PRMT7: variants seen among roughly 807,000 people sequenced by gnomAD.
PRMT7 encodes protein arginine methyltransferase 7.
PRMT7 carries 75 observed loss-of-function variants against 85.4 expected under a neutral mutation model. The observed-to-expected ratio is 0.88, with a 90% CI of 0.73 to 1.06. The LOEUF (loss-of-function observed/expected upper bound fraction) is 1.06, where lower values mean the gene tolerates loss of function less well. Among genes scored for constraint, PRMT7 ranks in the 50% least tolerant of loss-of-function variants. PRMT7 has a pLI of 0.00. For synonymous variants in PRMT7, 397 were observed against 359.5 expected (o/e 1.10, Z -1.18); for missense variants, 868 against 915.2 (o/e 0.95, Z 0.67).
intron 7 of PRMT7, among the ~76,000 whole-genome samples, chr16:68,339,016 T>C (rs1253809046): frequency 6.6e-6 from 1 of 152,142 alleles, no homozygotes; most frequent in Non-Finnish European, 1.5e-5. Context: ...GAAGGGACAC[T>C]GAGCCCAGAG....
intron 6 of PRMT7, among the ~76,000 whole-genome samples, chr16:68,331,469 CTTT>C (rs57038859): frequency 1.1e-4 from 13 of 114,486 alleles, no homozygotes; most frequent in Non-Finnish European, 9.2e-5. Context: ...CTTTGTTGTT[CTTT>C]TTTTTTTTTT....
At chr16:68,344,408 C>G (rs560352247) in intron 9 of PRMT7, among the ~76,000 whole-genome samples, 163 of 152,358 alleles carry the variant, frequency 1.1e-3, no homozygotes, top group African/African-American at 3.9e-3. Flanking sequence ...TGTTTGGTCT[C>G]TCTCCAAACG....
chr16:68,319,772 T>C (rs2082285667), intron 3 of PRMT7, among the ~76,000 whole-genome samples: 1 of 145,034 alleles, frequency 6.9e-6, no homozygotes, highest in East Asian at 2.2e-4. Flanking sequence ...GTAAGCTTTC[T>C]AGTGATTCTA....
chr16:68,348,274 G>A, intron 13 of PRMT7, 68 bp from the exon 14 acceptor site: 1 of 1,289,956 alleles, frequency 7.8e-7, no homozygotes, highest in Non-Finnish European at 1.1e-6. Context: ...AACTTTGAGA[G>A]ATTTTTTTTT....
intron 3 of PRMT7, chr16:68,319,012 G>A (rs971980734): frequency 3.3e-5 from 5 of 152,266 alleles, no homozygotes; most frequent in African/African-American, 9.6e-5. Context: ...CACTGGATAT[G>A]ATGGAGGGAG....
intron 16 of PRMT7, chr16:68,355,339 G>C (rs1268716663): frequency 6.0e-6 from 1 of 165,414 alleles, no homozygotes; most frequent in Non-Finnish European, 1.3e-5. Context: ...AGGCACCGGG[G>C]CTGTACTGTC....
chr16:68,353,250 G>A (rs2087680859), intron 15 of PRMT7: 1 of 703,804 alleles, frequency 1.4e-6, no homozygotes, highest in African/African-American at 1.9e-5. Flanking sequence ...CCCCAGCCTA[G>A]GAGCTCTGGC....
At chr16:68,348,212 A>G (rs560390764) in intron 13 of PRMT7, 130 bp from the exon 14 acceptor site, 245 of 755,538 alleles carry the variant, frequency 3.2e-4, no homozygotes, top group Non-Finnish European at 4.6e-4. Context: ...CACAAAGCAG[A>G]TAAAAGTGGT....
intron 15 of PRMT7, 98 bp downstream of exon 15, chr16:68,352,507 G>A: frequency 8.2e-7 from 1 of 1,213,894 alleles, no homozygotes; most frequent in Non-Finnish European, 1.1e-6. Context: ...AGCGGCTCAG[G>A]CCTTGATGAT....
rs151275515 is a variant in PRMT7 at position 68,331,754 on chromosome 16, G to A, written c.391+2580G>A. ...ATCCCAAAGTCCTAGGATTACAGGC[G>A]TGGGCCGCTGTGCCTGGCCTCATTT... On this transcript the variant is annotated intron_variant, in intron 6 of 18. Coordinates refer to ENST00000441236, the MANE Select transcript of PRMT7 (RefSeq NM_019023.5). 7.9e-5 allele frequency among the ~76,000 whole-genome samples: 12 copies of A among 152,314 alleles called. No individual in the cohort carries two copies. In the East Asian group the frequency reaches 1.7e-3, roughly 22 times the overall value.
At chr16:68,330,744 A>C (rs1335035801) in intron 6 of PRMT7, among the ~76,000 whole-genome samples, 1 of 151,650 alleles carries the variant, frequency 6.6e-6, no homozygotes, top group Non-Finnish European at 1.5e-5. Context: ...ACAGGCGTGC[A>C]CCACCATGCC....
intron 11 of PRMT7, 110 bp downstream of exon 11, chr16:68,346,390 T>C (rs961906755): frequency 6.4e-5 from 96 of 1,503,824 alleles, no homozygotes; most frequent in Admixed American, 7.5e-5. Context: ...TGTCCTCTTG[T>C]CTATGAGTGG....
chr16:68,351,155 C>A (rs779836491), intron 14 of PRMT7, among the ~76,000 whole-genome samples: 18 of 152,192 alleles, frequency 1.2e-4, no homozygotes, highest in Non-Finnish European at 1.8e-4. Flanking sequence ...GGCGTTCTTG[C>A]CATGTTCCTG....
intron 9 of PRMT7, among the ~76,000 whole-genome samples, chr16:68,344,900 A>T (rs556135569): frequency 8.8e-6 from 1 of 113,756 alleles, no homozygotes; most frequent in African/African-American, 3.6e-5. Flanking sequence ...CATCTGCTTT[A>T]TCTTTGTCTT....
intron 2 of PRMT7, among the ~76,000 whole-genome samples, chr16:68,313,217 T>C (rs952371379): frequency 6.6e-6 from 1 of 152,146 alleles, no homozygotes; most frequent in Non-Finnish European, 1.5e-5. Context: ...AGTTCTTCAC[T>C]ATAAGTTTTT....
At position 68,352,359 on chromosome 16, in the gene PRMT7, A is replaced by T; in HGVS notation, c.1525A>T (p.Met509Leu). ...AVDQHLGPGA[M>L]VMPQAASLHA... The stretch of plus-strand genomic sequence containing the variant: ...GGACCAGCACCTGGGGCCAGGTGCC[A>T]TGGTGATGCCCCAGGCAGCCTCGCT... The change falls in exon 15 of 19, where the codon ATG becomes TTG. Residue 509 changes from methionine (M) to leucine (L), a missense_variant. Met to Leu is a conservative substitution (Grantham distance 15). Transcript: ENST00000441236. 6.2e-7 allele frequency: 1 copy of T among 1,610,858 alleles called. No homozygotes were observed. Among genetic ancestry groups the T allele is most frequent in the Non-Finnish European group, 8.5e-7 (1 of 1,179,812 alleles).
At chr16:68,337,160 C>T (rs1338235170) in intron 6 of PRMT7, among the ~76,000 whole-genome samples, 1 of 152,150 alleles carries the variant, frequency 6.6e-6, no homozygotes, top group Non-Finnish European at 1.5e-5. Context: ...TCATTTTTTG[C>T]AGTCTCCCTC....
intron 3 of PRMT7, among the ~76,000 whole-genome samples, chr16:68,317,701 C>G (rs931785474): frequency 9.9e-5 from 15 of 151,674 alleles, no homozygotes; most frequent in African/African-American, 3.6e-4. Flanking sequence ...GTGGCGCATG[C>G]ATGCCTGTAA....
intron 1 of PRMT7, chr16:68,311,459 A>G: frequency 4.9e-6 from 1 of 204,260 alleles, no homozygotes; most frequent in Non-Finnish European, 1.0e-5. Flanking sequence ...GAGTAATTGG[A>G]GAGTCGTGTA....
Sources: allele counts gnomAD v4.1 joint callset (sites outside exome capture counted in the v4.1 genomes callset), GRCh38; gene constraint gnomAD v4.1.1; transcripts MANE v1.5; gene names NCBI Gene and HGNC (gene_info 2026-07-23, HGNC 2026-07-21).